The following WDFY4 variants were observed in gnomAD, a reference collection of about 807,000 sequenced individuals.
WDFY4 encodes the protein WD repeat- and FYVE domain-containing protein 4.
In WDFY4, 169 loss-of-function variants were observed where a neutral mutation model predicts 351.9. That is an observed-to-expected ratio of 0.48 (90% confidence interval 0.42 to 0.55). The LOEUF (loss-of-function observed/expected upper bound fraction) is 0.55, where lower values mean the gene tolerates loss of function less well. Among genes scored for constraint, WDFY4 ranks in the 20% least tolerant of loss-of-function variants. The pLI, the probability that WDFY4 is intolerant of heterozygous loss-of-function variation, is 0.00. For missense variants in WDFY4, 3,803 were observed against 3,935.6 expected (o/e 0.97, Z 0.90); for synonymous variants, 1,622 against 1,574.6 (o/e 1.03, Z -0.71).
chr10:48,823,767 G>A (rs1030669703), intron 35 of WDFY4: 9 of 990,566 alleles, frequency 9.1e-6, no homozygotes, highest in Non-Finnish European at 1.1e-5. Flanking sequence ...GGGGGACCAG[G>A]CCTGAGGGCT....
At chr10:48,823,820 C>G (rs761086855) in intron 35 of WDFY4, 24 of 988,256 alleles carry the variant, frequency 2.4e-5, no homozygotes, top group Non-Finnish European at 2.8e-5. Flanking sequence ...TGCTTGCTGT[C>G]TGTGATGCCT....
chr10:48,758,684 T>C (rs979373737), intron 12 of WDFY4, among the ~76,000 whole-genome samples: 1 of 152,222 alleles, frequency 6.6e-6, no homozygotes, highest in Non-Finnish European at 1.5e-5. Flanking sequence ...CTCATCTCAT[T>C]CTCCTATTGT....
In WDFY4 at chr10:48,810,584, G is replaced by T. The variant is rs1033033570; in HGVS notation, c.4893G>T (p.Leu1631=). ...KLGPDWFLLL[L]QGHLHASTTV... ...GGCCTGACTGGTTCCTGCTGCTCCT[G>T]CAGGGCCACCTGCATGCCAGCACCA... The change falls in exon 29 of 62, where the codon CTG becomes CTT. Residue 1631 remains leucine, a synonymous_variant. Coordinates refer to ENST00000325239, the MANE Select transcript of WDFY4 (RefSeq NM_001394531.1). 5 of 1,551,574 alleles carry T rather than the reference G, an allele frequency of 3.2e-6. No homozygotes were observed. In the African/African-American group the frequency reaches 4.1e-5, roughly 13 times the overall value.
chr10:48,930,849 T>C (rs1839951767), intron 47 of WDFY4, among the ~76,000 whole-genome samples: 1 of 152,138 alleles, frequency 6.6e-6, no homozygotes, highest in Admixed American at 6.5e-5. Context: ...GTCATGTTAG[T>C]GAAAGAAACA....
chr10:48,730,156 C>T (rs563868649), intron 8 of WDFY4, among the ~76,000 whole-genome samples: 8 of 152,276 alleles, frequency 5.3e-5, no homozygotes, highest in South Asian at 2.1e-4. Context: ...GAGGGCCTGC[C>T]GGAGGGAGTT....
chr10:48,776,653 CTTTCT>C, intron 15 of WDFY4, 92 bp from the exon 16 acceptor site: 4 of 1,244,812 alleles, frequency 3.2e-6, no homozygotes, highest in Admixed American at 2.8e-5. Context: ...GCGAAACTCT[CTTTCT>C]GGGCTGCGGC....
intron 46 of WDFY4, 127 bp from the exon 47 acceptor site, chr10:48,901,674 G>T: frequency 2.0e-6 from 2 of 1,004,702 alleles, no homozygotes; most frequent in South Asian, 1.5e-5. Flanking sequence ...TTCACGACCT[G>T]GGGGCAGGAT....
At chr10:48,818,201 C>T (rs188403038) in intron 32 of WDFY4, among the ~76,000 whole-genome samples, 3 of 152,188 alleles carry the variant, frequency 2.0e-5, no homozygotes, top group African/African-American at 4.8e-5. Context: ...GTGAGCTAAC[C>T]GTGTCTTCCT....
rs115634458 is a variant in WDFY4 at position 48,952,638 on chromosome 10, G to A, written c.7978-4491G>A. 3.5e-3 allele frequency among the ~76,000 whole-genome samples: 529 copies of A among 152,234 alleles called. 8 individuals carry two copies. Among genetic ancestry groups the A allele is most frequent in the African/African-American group, 0.012 (502 of 41,532 alleles). Reference sequence around the variant, plus strand: ...AAGGAGATACGACATGAGCCATTTTGGCTGACCTTAGTGTCCCCTACGTGC... The same window carrying A: ...AAGGAGATACGACATGAGCCATTTTAGCTGACCTTAGTGTCCCCTACGTGC... On this transcript the variant is annotated intron_variant, in intron 51 of 61. Transcript: ENST00000325239.
intron 2 of WDFY4, 104 bp from the exon 3 acceptor site, chr10:48,719,907 A>G: frequency 9.8e-7 from 1 of 1,022,518 alleles, no homozygotes; most frequent in Admixed American, 2.1e-5. Flanking sequence ...TGGGAAAGGA[A>G]GTCGAGCTGT....
chr10:48,745,663 C>G (rs1283162961), intron 12 of WDFY4: 3 of 577,952 alleles, frequency 5.2e-6, no homozygotes, highest in South Asian at 4.6e-5. Context: ...CTTCTCCTTC[C>G]TCTTCTCCTC....
chr10:48,700,607 A>G (rs1426777663), intron 1 of WDFY4, among the ~76,000 whole-genome samples: 2 of 152,224 alleles, frequency 1.3e-5, no homozygotes, highest in East Asian at 1.9e-4. Context: ...ACTCCTGAGA[A>G]CACCAGCTGC....
chr10:48,815,082 A>T lies in WDFY4; in HGVS notation c.5340+1000A>T, dbSNP rs141112972. On this transcript the variant is annotated intron_variant, in intron 31 of 61. Transcript: ENST00000325239. Reference sequence around the variant, plus strand: ...GATGACCTCTTTAGTGTATTCTGGGATGTAGTATAGCAGGTCAAAGTGTGC... The same window carrying T: ...GATGACCTCTTTAGTGTATTCTGGGTTGTAGTATAGCAGGTCAAAGTGTGC... Among the ~76,000 whole-genome samples the T allele has an allele frequency of 4.6e-3, 695 of 152,308 alleles. 6 individuals are homozygous for T. Among genetic ancestry groups the T allele is most frequent in the African/African-American group, 0.016 (655 of 41,572 alleles).
intron 20 of WDFY4, among the ~76,000 whole-genome samples, chr10:48,787,330 T>C (rs2066437354): frequency 6.6e-6 from 1 of 152,242 alleles, no homozygotes; most frequent in African/African-American, 2.4e-5. Context: ...GAATGATAAA[T>C]GAATCTATGT....
At chr10:48,919,356 T>C (rs553609970) in intron 47 of WDFY4, among the ~76,000 whole-genome samples, 2 of 152,104 alleles carry the variant, frequency 1.3e-5, no homozygotes, top group Non-Finnish European at 2.9e-5. Context: ...AAAACCCAAA[T>C]AGACCTGTAT....
chr10:48,832,589 A>G lies in WDFY4; in HGVS notation c.6543A>G (p.Ser2181=). 4 of 1,546,782 alleles carry G rather than the reference A, an allele frequency of 2.6e-6. No individual in the cohort carries two copies. The highest frequency in any genetic ancestry group is 1.2e-5 in the South Asian group (1 of 83,108). The change falls in exon 39 of 62, where the codon TCA becomes TCG. Residue 2181 remains serine (S), a synonymous_variant. Coordinates refer to ENST00000325239, the MANE Select transcript of WDFY4 (RefSeq NM_001394531.1). ...TTCCCTCAGCATCTGAGAAGAAGTC[A>G]CTGGCAAGTCGTTCAAATGTTGCAC... ...WQHYLASEKK[S]LASRSNVAHH... is the part of the protein sequence containing the mutation.
intron 43 of WDFY4, among the ~76,000 whole-genome samples, chr10:48,879,236 C>T (rs1027532172): frequency 6.6e-6 from 1 of 152,242 alleles, no homozygotes; most frequent in African/African-American, 2.4e-5. Flanking sequence ...CCACAAGGAA[C>T]CCTTGCCAAT....
chr10:48,688,717 C>G (rs1163892811), intron 1 of WDFY4, among the ~76,000 whole-genome samples: 1 of 152,068 alleles, frequency 6.6e-6, no homozygotes, highest in Non-Finnish European at 1.5e-5. Flanking sequence ...TTTGCAATAA[C>G]CCAGGCTAGA....
intron 35 of WDFY4, chr10:48,823,069 T>C (rs1589692697): frequency 2.5e-6 from 3 of 1,190,360 alleles, no homozygotes; most frequent in South Asian, 1.3e-5. Flanking sequence ...TACAAATGCA[T>C]ACCTGTAGGG....
Sources: gnomAD v4.1 joint callset for allele counts (sites outside exome capture counted in the v4.1 genomes callset) on GRCh38, gnomAD v4.1.1 for gene constraint, MANE v1.5 for transcripts, NCBI Gene and HGNC (gene_info 2026-07-23, HGNC 2026-07-21) for gene names.